CYP3A43: variants seen among roughly 807,000 people sequenced by gnomAD.
CYP3A43 encodes cytochrome P450 3A43.
In CYP3A43, 45 loss-of-function variants were observed where a neutral mutation model predicts 58.0. The ratio of observed to expected loss-of-function variants is 0.78; its 90% CI spans 0.61 to 0.99. CYP3A43 has a LOEUF of 0.99. Among genes scored for constraint, CYP3A43 ranks in the 50% least tolerant of loss-of-function variants. The pLI is 0.00. For synonymous variants in CYP3A43, 191 were observed against 201.4 expected (o/e 0.95, Z 0.44); for missense variants, 593 against 591.9 (o/e 1.00, Z -0.02).
At chr7:99,860,942 C>T (rs1325364923) in intron 10 of CYP3A43, among the ~76,000 whole-genome samples, 3 of 152,034 alleles carry the variant, frequency 2.0e-5, no homozygotes, top group South Asian at 4.2e-4. Flanking sequence ...GGGGTGATCT[C>T]GGCTCACTGC....
intron 1 of CYP3A43, among the ~76,000 whole-genome samples, chr7:99,828,804 A>G (rs904532602): frequency 1.3e-5 from 2 of 152,202 alleles, no homozygotes; most frequent in African/African-American, 4.8e-5. Context: ...GTTGCTCTGA[A>G]GTTCTCTTAT....
At chr7:99,848,275 GT>G (rs751683182) in intron 6 of CYP3A43, 21 bp downstream of exon 6, 1 of 1,611,918 alleles carries the variant, frequency 6.2e-7, no homozygotes, top group Admixed American at 1.7e-5. Flanking sequence ...CAGTCTTGAG[GT>G]TCTGAGCTGT....
At chr7:99,838,753 G>A in intron 2 of CYP3A43, 2 of 991,238 alleles carry the variant, frequency 2.0e-6, no homozygotes, top group Non-Finnish European at 2.8e-6. Context: ...GCTGAAGCAG[G>A]AGGATCACCT....
At chr7:99,859,442 C>A (rs1400639524) in intron 9 of CYP3A43, among the ~76,000 whole-genome samples, 3 of 152,206 alleles carry the variant, frequency 2.0e-5, no homozygotes, top group African/African-American at 7.2e-5. Flanking sequence ...TAATTTAAAT[C>A]TTCCCTGGGG....
At chr7:99,856,251 G>T (rs1051513704) in intron 8 of CYP3A43, among the ~76,000 whole-genome samples, 9 of 152,170 alleles carry the variant, frequency 5.9e-5, no homozygotes, top group African/African-American at 2.2e-4. Flanking sequence ...TGGGCATTGT[G>T]GGTGCAAGCT....
intron 3 of CYP3A43, among the ~76,000 whole-genome samples, chr7:99,841,084 A>G (rs1056603405): frequency 1.3e-5 from 2 of 152,168 alleles, no homozygotes; most frequent in African/African-American, 4.8e-5. Flanking sequence ...CATAATGATG[A>G]ACAGTTTTTA....
intron 3 of CYP3A43, among the ~76,000 whole-genome samples, chr7:99,842,206 A>G (rs4236544): frequency 0.2 from 30,382 of 152,080 alleles, 3,342 homozygotes; most frequent in South Asian, 0.32. Flanking sequence ...TTAATTTACA[A>G]TCTCCCTAGC....
chr7:99,855,544 T>C (rs771969753), intron 7 of CYP3A43, 47 bp from the exon 8 acceptor site: 10 of 1,561,838 alleles, frequency 6.4e-6, no homozygotes, highest in Non-Finnish European at 3.5e-6. Context: ...AATTTCACAT[T>C]TTTCACTATG....
chr7:99,855,055 G>T (rs866297901), intron 7 of CYP3A43, among the ~76,000 whole-genome samples: 38 of 151,466 alleles, frequency 2.5e-4, no homozygotes, highest in Admixed American at 1.4e-3. Context: ...GCTAATTTTT[G>T]TATCAGTAGA....
chr7:99,840,420 C>T (rs1164967427), intron 3 of CYP3A43, among the ~76,000 whole-genome samples: 1 of 152,212 alleles, frequency 6.6e-6, no homozygotes, highest in Non-Finnish European at 1.5e-5. Context: ...CATCCCTCCA[C>T]CTACCTTGAG....
At chr7:99,841,960 T>C (rs1187714256) in intron 3 of CYP3A43, among the ~76,000 whole-genome samples, 2 of 152,208 alleles carry the variant, frequency 1.3e-5, no homozygotes, top group Non-Finnish European at 2.9e-5. Context: ...CCTCTCTCTC[T>C]CTATGTGCTG....
intron 8 of CYP3A43, among the ~76,000 whole-genome samples, chr7:99,856,158 G>A (rs1000668940): frequency 6.6e-6 from 1 of 152,154 alleles, no homozygotes; most frequent in Admixed American, 6.6e-5. Context: ...TCTTCAGCAG[G>A]AGTCCCTACC....
At position 99,863,610 on chromosome 7, in the gene CYP3A43, A is replaced by G; in HGVS notation, c.1327A>G (p.Ile443Val). 1.9e-6 allele frequency: 3 copies of G among 1,614,120 alleles called. No homozygotes were observed. The highest frequency in any genetic ancestry group is 2.5e-6 in the Non-Finnish European group (3 of 1,179,974). ...TTTTGGAGCTGGACCCCGAAACTGC[A>G]TTGGCATGAGGTTTGCTCTCACAAA... is the stretch of plus-strand genomic sequence containing the variant. ...IPFGAGPRNC[I>V]GMRFALTNIK... The change falls in exon 12 of 13, where the codon ATT (isoleucine) becomes GTT (valine). Residue 443 changes from isoleucine to valine, a missense_variant. Physicochemically the swap from Ile to Val is conservative, Grantham distance 29 (BLOSUM62 3). Coordinates refer to ENST00000354829, the MANE Select transcript of CYP3A43 (RefSeq NM_057095.3).
chr7:99,831,132 A>T (rs759935446), intron 1 of CYP3A43, among the ~76,000 whole-genome samples: 26 of 152,238 alleles, frequency 1.7e-4, no homozygotes, highest in Non-Finnish European at 3.2e-4. Context: ...GTAGGAAAAG[A>T]TCCCCAAAGA....
At position 99,863,664 on chromosome 7, in the gene CYP3A43, C is replaced by A. The variant is rs1818332673; in HGVS notation, c.1381C>A (p.Gln461Lys). ...AAAACTTGCTGTCATTAGAGCACTG[C>A]AGAACTTCTCCTTCAAACCTTGTAA... ...NIKLAVIRAL[Q>K]NFSFKPCKET... Residue 461 changes from glutamine (Q) to lysine (K), a missense_variant, in exon 12 of 13, where the codon CAG (glutamine) becomes AAG (lysine). Transcript: ENST00000354829. The A allele has an allele frequency of 2.5e-6, 4 of 1,610,742 alleles. No individual in the cohort carries two copies. The East Asian group carries it at 6.7e-5, about 27-fold the overall frequency.
chr7:99,837,476 A>G (rs1235824792), intron 2 of CYP3A43, among the ~76,000 whole-genome samples: 2 of 152,180 alleles, frequency 1.3e-5, no homozygotes, highest in Non-Finnish European at 2.9e-5. Context: ...TCTTCTCCCC[A>G]GGATGTATTT....
intron 1 of CYP3A43, among the ~76,000 whole-genome samples, chr7:99,834,397 T>A (rs1211867760): frequency 1.3e-5 from 2 of 152,230 alleles, no homozygotes; most frequent in Non-Finnish European, 2.9e-5. Context: ...ATTTTTGTGA[T>A]TATGCCTCTT....
chr7:99,849,913 C>T, intron 7 of CYP3A43: 1 of 612,944 alleles, frequency 1.6e-6, no homozygotes, highest in Non-Finnish European at 2.9e-6. Context: ...ACTCAGAAAC[C>T]ACATACCATT....
intron 11 of CYP3A43, among the ~76,000 whole-genome samples, chr7:99,862,247 A>G (rs958273288): frequency 6.6e-6 from 1 of 152,140 alleles, no homozygotes; most frequent in Admixed American, 6.5e-5. Context: ...TATTCATTTC[A>G]GTTTTTCTTT....
Sources: allele counts gnomAD v4.1 joint callset (sites outside exome capture counted in the v4.1 genomes callset), GRCh38; gene constraint gnomAD v4.1.1; transcripts MANE v1.5; gene names NCBI Gene and HGNC (gene_info 2026-07-23, HGNC 2026-07-21).